PALM2AKAP2: variants seen among roughly 807,000 people sequenced by gnomAD.
The protein encoded by PALM2AKAP2 is PALM2 and AKAP2 fusion.
A neutral mutation model predicts 71.5 loss-of-function variants in PALM2AKAP2; 37 were observed. The observed-to-expected ratio is 0.52, with a 90% confidence interval of 0.40 to 0.68. The LOEUF (loss-of-function observed/expected upper bound fraction) is 0.68, where lower values mean the gene tolerates loss of function less well. PALM2AKAP2 is among the 30% of genes least tolerant of loss of function. PALM2AKAP2 has a pLI of 0.00. For missense variants in PALM2AKAP2, 1,224 were observed against 1,191.8 expected (o/e 1.03, Z -0.40); for synonymous variants, 468 against 478.8 (o/e 0.98, Z 0.29).
chr9:109,676,556 T>C (rs1827651979), intron 1 of PALM2AKAP2, among the ~76,000 whole-genome samples: 1 of 152,204 alleles, frequency 6.6e-6, no homozygotes, highest in African/African-American at 2.4e-5. Flanking sequence ...GGTAGGAACT[T>C]GGCCAGTTGA....
intron 7 of PALM2AKAP2, among the ~76,000 whole-genome samples, chr9:110,027,970 A>G (rs1833212730): frequency 6.6e-6 from 1 of 152,344 alleles, no homozygotes; most frequent in South Asian, 2.1e-4. Flanking sequence ...GTGTATATAC[A>G]TAAAGATCGC....
chr9:110,028,730 G>A (rs1833226581), intron 7 of PALM2AKAP2, among the ~76,000 whole-genome samples: 1 of 152,002 alleles, frequency 6.6e-6, no homozygotes, highest in South Asian at 2.1e-4. Flanking sequence ...AATATTAGAT[G>A]TCCAGTTCGA....
intron 1 of PALM2AKAP2, among the ~76,000 whole-genome samples, chr9:109,865,729 A>G (rs1357916186): frequency 6.6e-6 from 1 of 152,172 alleles, no homozygotes; most frequent in African/African-American, 2.4e-5. Context: ...TATGACATAC[A>G]TCTTGGTTCT....
intron 3 of PALM2AKAP2, among the ~76,000 whole-genome samples, chr9:109,907,802 A>C (rs1830481921): frequency 6.6e-6 from 1 of 152,220 alleles, no homozygotes; most frequent in South Asian, 2.1e-4. Flanking sequence ...TTAGCAAAAA[A>C]CAAAACAAAA....
chr9:109,801,697 C>T (rs1194280428), intron 1 of PALM2AKAP2, among the ~76,000 whole-genome samples: 1 of 150,474 alleles, frequency 6.6e-6, no homozygotes, highest in Admixed American at 6.6e-5. Flanking sequence ...GCCAGCTGCC[C>T]AGGTGTTGAT....
At chr9:109,652,702 C>G (rs1381975305) in intron 1 of PALM2AKAP2, among the ~76,000 whole-genome samples, 3 of 152,128 alleles carry the variant, frequency 2.0e-5, no homozygotes, top group Non-Finnish European at 4.4e-5. Flanking sequence ...TATTAAGTAC[C>G]TGGTATGTGC....
intron 6 of PALM2AKAP2, among the ~76,000 whole-genome samples, chr9:109,953,786 G>A (rs527857208): frequency 3.7e-5 from 5 of 136,610 alleles, no homozygotes; most frequent in Admixed American, 8.1e-5. Context: ...AGTGAGCTGA[G>A]ATCGCACCAC....
intron 2 of PALM2AKAP2, among the ~76,000 whole-genome samples, chr9:110,142,339 C>T (rs1046281181): frequency 1.3e-5 from 2 of 152,066 alleles, no homozygotes; most frequent in Admixed American, 6.5e-5. Flanking sequence ...GTGATCCGCC[C>T]GCCTTGGCCT....
chr9:110,014,798 AAAAAAATGTAT>A (rs1832942993), intron 6 of PALM2AKAP2, among the ~76,000 whole-genome samples: 3 of 57,156 alleles, frequency 5.2e-5, no homozygotes, highest in African/African-American at 2.0e-4. Context: ...AAAAAAAAAA[AAAAAAATGTAT>A]ATATATATAT....
chr9:110,135,105 C>T (rs1315338063), intron 1 of PALM2AKAP2, among the ~76,000 whole-genome samples: 1 of 134,160 alleles, frequency 7.5e-6, no homozygotes, highest in African/African-American at 2.8e-5. Flanking sequence ...TACTTGAGTA[C>T]AGGAGTTCAA....
At chr9:109,665,055 T>TTAGA (rs1386207594) in intron 1 of PALM2AKAP2, among the ~76,000 whole-genome samples, 1 of 152,222 alleles carries the variant, frequency 6.6e-6, no homozygotes, top group African/African-American at 2.4e-5. Context: ...AGTTCTTCTC[T>TTAGA]ACAGTGTTTG....
intron 1 of PALM2AKAP2, among the ~76,000 whole-genome samples, chr9:110,135,164 A>AAAAAATATATATATATATATATATAT: frequency 5.8e-5 from 3 of 51,720 alleles, no homozygotes; most frequent in Admixed American, 2.1e-4. Flanking sequence ...AAAAAAAAAA[A>AAAAAATATATATATATATATATATAT]ATATATAAAT....
intron 2 of PALM2AKAP2, among the ~76,000 whole-genome samples, chr9:110,154,378 T>A (rs1836396679): frequency 6.6e-6 from 1 of 152,218 alleles, no homozygotes; most frequent in African/African-American, 2.4e-5. Context: ...CTATATTGTT[T>A]CTTAAGCCTT....
At chr9:109,867,541 C>A (rs758818041) in exon 2 of PALM2AKAP2, 8 of 1,612,826 alleles carry the variant, frequency 5.0e-6, no homozygotes, top group Non-Finnish European at 6.8e-6. Flanking sequence ...AACAGCTTGA[C>A]GAGCAGATAC....
intron 1 of PALM2AKAP2, chr9:110,049,006 G>A (rs933069382): frequency 3.6e-6 from 4 of 1,104,720 alleles, no homozygotes; most frequent in Middle Eastern, 3.0e-4. Context: ...GGTCCTTGTC[G>A]AGCGGAGCGT....
chr9:109,681,343 G>T (rs1448791010), intron 1 of PALM2AKAP2, among the ~76,000 whole-genome samples: 1 of 152,176 alleles, frequency 6.6e-6, no homozygotes, highest in Non-Finnish European at 1.5e-5. Flanking sequence ...TTTATTATAA[G>T]TCAGAGATAT....
chr9:110,153,590 G>A (rs941972719), intron 2 of PALM2AKAP2, among the ~76,000 whole-genome samples: 2 of 152,218 alleles, frequency 1.3e-5, no homozygotes, highest in African/African-American at 4.8e-5. Context: ...ACTTGTGGTT[G>A]TTATATATAT....
At chr9:110,135,250 G>A (rs1257490957) in intron 1 of PALM2AKAP2, among the ~76,000 whole-genome samples, 1 of 103,268 alleles carries the variant, frequency 9.7e-6, no homozygotes. Context: ...GCAATGAGCC[G>A]AGATGGCACA....
chr9:109,693,548 G>T (rs1021284476), intron 1 of PALM2AKAP2, among the ~76,000 whole-genome samples: 1 of 151,814 alleles, frequency 6.6e-6, no homozygotes, highest in Non-Finnish European at 1.5e-5. Context: ...TTAGATAATT[G>T]ATTTTAAACT....
Sources: gnomAD v4.1 joint callset for allele counts (sites outside exome capture counted in the v4.1 genomes callset) on GRCh38, gnomAD v4.1.1 for gene constraint, MANE v1.5 for transcripts, NCBI Gene and HGNC (gene_info 2026-07-23, HGNC 2026-07-21) for gene names.